ZFHX3: variants seen among roughly 807,000 people sequenced by gnomAD.
The protein encoded by ZFHX3 is zinc finger homeobox 3, also known as zinc finger homeobox protein 3.
Under a neutral mutation model 279.1 loss-of-function variants are expected in ZFHX3, and 42 were observed. The observed-to-expected ratio is 0.15, with a 90% CI of 0.12 to 0.19. The LOEUF is 0.19. Among genes scored for constraint, ZFHX3 ranks in the 10% least tolerant of loss-of-function variants. ZFHX3 has a pLI of 1.00. For synonymous variants in ZFHX3, 2,293 were observed against 1,957.8 expected, an observed-to-expected ratio of 1.17 and a Z score of -4.52; for missense variants, 4,981 against 4,754.0, an observed-to-expected ratio of 1.05 and a Z score of -1.40.
chr16:73,038,725 T>C (rs1446841745), intron 1 of ZFHX3, among the ~76,000 whole-genome samples: 3 of 152,052 alleles, frequency 2.0e-5, no homozygotes, highest in Non-Finnish European at 4.4e-5. Context: ...GGTGCAAATG[T>C]TACCACCTCA....
At chr16:73,213,104 C>T (rs1045449451) in intron 5 of ZFHX3, among the ~76,000 whole-genome samples, 1 of 152,094 alleles carries the variant, frequency 6.6e-6, no homozygotes, top group African/African-American at 2.4e-5. Context: ...CTCCATATGG[C>T]GTAGGACATA....
At chr16:73,517,162 G>A (rs1008783611) in intron 2 of ZFHX3, among the ~76,000 whole-genome samples, 3 of 152,036 alleles carry the variant, frequency 2.0e-5, no homozygotes, top group African/African-American at 7.2e-5. Context: ...CCTCCAAAGC[G>A]CCGTAGTGAC....
At chr16:73,523,520 G>T (rs2019641698) in intron 2 of ZFHX3, among the ~76,000 whole-genome samples, 1 of 151,940 alleles carries the variant, frequency 6.6e-6, no homozygotes, top group Non-Finnish European at 1.5e-5. Context: ...GTGGCATTTT[G>T]GCAAAATCAG....
At chr16:73,192,432 G>C (rs1968061941) in intron 5 of ZFHX3, among the ~76,000 whole-genome samples, 1 of 152,190 alleles carries the variant, frequency 6.6e-6, no homozygotes, top group South Asian at 2.1e-4. Flanking sequence ...ACAGAGGAGA[G>C]TGATCCGGTG....
chr16:73,834,827 G>A (rs376660546), intron 1 of ZFHX3, among the ~76,000 whole-genome samples: 1 of 152,138 alleles, frequency 6.6e-6, no homozygotes, highest in Non-Finnish European at 1.5e-5. Context: ...AGAGGCGGAG[G>A]TTGCAGTGAG....
At chr16:73,515,581 GGAGA>G (rs369637291) in intron 2 of ZFHX3, among the ~76,000 whole-genome samples, 71 of 149,646 alleles carry the variant, frequency 4.7e-4, no homozygotes, top group Non-Finnish European at 9.1e-4. Context: ...AAAGAAAGAG[GGAGA>G]GAGAGAGAGG....
chr16:73,472,918 C>A (rs1487413094), intron 2 of ZFHX3, among the ~76,000 whole-genome samples: 1 of 152,174 alleles, frequency 6.6e-6, no homozygotes, highest in East Asian at 1.9e-4. Flanking sequence ...ATTCCCATTA[C>A]CCTTTCACCT....
intron 1 of ZFHX3, among the ~76,000 whole-genome samples, chr16:73,786,441 T>C (rs1473704967): frequency 1.3e-5 from 2 of 152,104 alleles, no homozygotes; most frequent in Admixed American, 1.3e-4. Flanking sequence ...GTGTTGGTGG[T>C]CTCTGTGTTC....
chr16:73,232,946 T>C (rs1472262033), intron 5 of ZFHX3: 2 of 151,508 alleles, frequency 1.3e-5, no homozygotes, highest in Non-Finnish European at 2.9e-5. Flanking sequence ...CAAGGCAAGA[T>C]GAGACAGTGA....
At chr16:73,058,024 C>T (rs1449808131) in intron 1 of ZFHX3, among the ~76,000 whole-genome samples, 1 of 143,978 alleles carries the variant, frequency 6.9e-6, no homozygotes, top group Non-Finnish European at 1.5e-5. Context: ...GCACCGCGGA[C>T]CCCCCCATAC....
At chr16:73,730,844 A>G (rs1247780562) in intron 1 of ZFHX3, among the ~76,000 whole-genome samples, 6 of 152,140 alleles carry the variant, frequency 3.9e-5, no homozygotes, top group Non-Finnish European at 8.8e-5. Context: ...TCTAAGGAAT[A>G]AGAACTTCCA....
intron 2 of ZFHX3, among the ~76,000 whole-genome samples, chr16:73,573,027 T>C (rs1483752130): frequency 6.6e-6 from 1 of 152,198 alleles, no homozygotes; most frequent in East Asian, 1.9e-4. Flanking sequence ...ATGCCATGGT[T>C]TATCCCTCCG....
intron 4 of ZFHX3, among the ~76,000 whole-genome samples, chr16:73,284,443 T>A (rs1597261684): frequency 6.6e-6 from 1 of 151,872 alleles, no homozygotes; most frequent in African/African-American, 2.4e-5. Flanking sequence ...TATTAATATA[T>A]GTGAAATGTA....
At chr16:73,186,150 G>C (rs1357089597) in intron 5 of ZFHX3, among the ~76,000 whole-genome samples, 4 of 152,106 alleles carry the variant, frequency 2.6e-5, no homozygotes, top group African/African-American at 9.7e-5. Context: ...CTACATGATA[G>C]TAAGTTGTAT....
chr16:72,931,097 C>A (rs370869921), intron 3 of ZFHX3, among the ~76,000 whole-genome samples: 7 of 152,164 alleles, frequency 4.6e-5, no homozygotes, highest in East Asian at 1.9e-4. Flanking sequence ...CCTCTTGACA[C>A]CAGCATGAAA....
At chr16:72,816,374 G>T (rs1232822761) in intron 5 of ZFHX3, among the ~76,000 whole-genome samples, 3 of 152,152 alleles carry the variant, frequency 2.0e-5, no homozygotes, top group African/African-American at 4.8e-5. Context: ...TTTCAAAGGG[G>T]ATAAAAATGT....
intron 5 of ZFHX3, among the ~76,000 whole-genome samples, chr16:73,236,713 A>C (rs1319713947): frequency 2.6e-5 from 4 of 152,230 alleles, no homozygotes; most frequent in Non-Finnish European, 5.9e-5. Flanking sequence ...GCAGATCTAC[A>C]TCCATTTTAA....
intron 3 of ZFHX3, among the ~76,000 whole-genome samples, chr16:73,322,010 A>G (rs1303570087): frequency 1.3e-5 from 2 of 152,248 alleles, no homozygotes; most frequent in African/African-American, 4.8e-5. Flanking sequence ...CGCTGAGAAT[A>G]AAACTCGTGA....
chr16:73,682,990 GAAA>G (rs68142284), intron 1 of ZFHX3, among the ~76,000 whole-genome samples: 1 of 28,392 alleles, frequency 3.5e-5, no homozygotes, highest in African/African-American at 1.4e-4. Context: ...AAGAAAGAAA[GAAA>G]AGAAAGAAAG....
Sources: gnomAD v4.1 joint callset for allele counts (sites outside exome capture counted in the v4.1 genomes callset) on GRCh38, gnomAD v4.1.1 for gene constraint, MANE v1.5 for transcripts, NCBI Gene and HGNC (gene_info 2026-07-23, HGNC 2026-07-21) for gene names.